Variants in CACHD1 observed in about 807,000 individuals in gnomAD.
CACHD1 encodes VWFA and cache domain-containing protein 1.
A neutral mutation model predicts 138.7 loss-of-function variants in CACHD1; 71 were observed. That is an observed-to-expected ratio of 0.51 (90% confidence interval 0.42 to 0.62). The LOEUF (loss-of-function observed/expected upper bound fraction) is 0.62, where lower values mean the gene tolerates loss of function less well. CACHD1 is among the 20% of genes least tolerant of loss of function. The probability of loss-of-function intolerance (pLI) is 0.00; values close to 1 mark genes in which losing one functional copy is unlikely to be tolerated. For missense variants in CACHD1, 1,389 were observed against 1,625.3 expected (o/e 0.85, Z 2.50); for synonymous variants, 578 against 591.5 (o/e 0.98, Z 0.33).
chr1:64,637,104 C>T (rs544720639), intron 7 of CACHD1, among the ~76,000 whole-genome samples: 1 of 152,300 alleles, frequency 6.6e-6, no homozygotes, highest in Admixed American at 6.5e-5. Flanking sequence ...GTCAATGCCA[C>T]CCACCTGTCA....
At chr1:64,516,682 G>A (rs527556845) in intron 1 of CACHD1, among the ~76,000 whole-genome samples, 90 of 152,284 alleles carry the variant, frequency 5.9e-4, no homozygotes, top group Non-Finnish European at 1.1e-3. Context: ...CTCAGAGCTG[G>A]TTAGGGGGAA....
At chr1:64,637,842 A>G (rs1467580097) in intron 7 of CACHD1, among the ~76,000 whole-genome samples, 1 of 152,206 alleles carries the variant, frequency 6.6e-6, no homozygotes, top group African/African-American at 2.4e-5. Context: ...CCAGTTTATT[A>G]AGGAGCAGTC....
chr1:64,609,011 T>C (rs575960755), intron 4 of CACHD1, among the ~76,000 whole-genome samples: 25 of 152,320 alleles, frequency 1.6e-4, no homozygotes, highest in African/African-American at 4.8e-4. Flanking sequence ...GCAGTCTTCA[T>C]TGAGAAACGG....
intron 1 of CACHD1, among the ~76,000 whole-genome samples, chr1:64,493,136 T>C (rs1646287965): frequency 6.6e-6 from 1 of 152,234 alleles, no homozygotes; most frequent in Admixed American, 6.5e-5. Flanking sequence ...AATCCGTTTG[T>C]GAACTGGGAA....
At chr1:64,588,619 C>G (rs1647071810) in intron 3 of CACHD1, among the ~76,000 whole-genome samples, 1 of 152,072 alleles carries the variant, frequency 6.6e-6, no homozygotes. Flanking sequence ...CTCAAGTGAT[C>G]TACCCGCCTC....
chr1:64,676,931 A>C lies in CACHD1; in HGVS notation c.3012A>C (p.Thr1004=), dbSNP rs765938626. 2 of 1,613,976 alleles carry C rather than the reference A, an allele frequency of 1.2e-6. No homozygotes were observed. The highest frequency in any genetic ancestry group is 1.1e-5 in the South Asian group (1 of 91,040). ...PSCEVHQEPV[T]YTAIDPGLQD... ...GCGAGGTCCACCAGGAGCCGGTGAC[A>C]TACACAGCTATTGACCCTGGCCTGC... The change falls in exon 22 of 27, where the codon ACA becomes ACC. Residue 1004 remains threonine (T), a synonymous_variant. Transcript: ENST00000651257.
At chr1:64,613,379 A>G (rs1570417221) in intron 4 of CACHD1, 1 of 147,956 alleles carries the variant, frequency 6.8e-6, no homozygotes, top group Non-Finnish European at 1.5e-5. Context: ...AAAAAATAAA[A>G]ATATAAATAT....
Position 64,672,398 on chromosome 1 carries a change from TTGGTCTCGCTTTG to T in CACHD1, c.2510+715_2510+727del, listed in dbSNP as rs1649845814. Among the ~76,000 whole-genome samples, 5 of 152,318 alleles carry T rather than the reference TTGGTCTCGCTTTG, an allele frequency of 3.3e-5. No individual in the cohort carries two copies. In the South Asian group the frequency reaches 1.0e-3, roughly 32 times the overall value. On this transcript the variant is annotated intron_variant, in intron 17 of 26. Transcript: ENST00000651257. ...AAATATAGTAGTCCCCCTCTTATCT[TTGGTCTCGCTTTG>T]TGAGGGTTCAGTTACCCATAGCATA...
intron 8 of CACHD1, among the ~76,000 whole-genome samples, chr1:64,644,067 G>A (rs572908852): frequency 4.6e-4 from 70 of 152,236 alleles, no homozygotes; most frequent in African/African-American, 1.6e-3. Flanking sequence ...CCACAAGAAT[G>A]TGAACTTCTC....
rs77686672 is a variant in CACHD1 at position 64,614,994 on chromosome 1, G to C, written c.517+12082G>C. ...CTCCCTTTACATCTAAGCTCACGTT[G>C]GAGACCCTGCACCCCCATCTTCTGC... is the stretch of plus-strand genomic sequence containing the variant. On this transcript the variant is annotated intron_variant, in intron 4 of 26. Transcript: ENST00000651257. Among the ~76,000 whole-genome samples, 513 of 152,100 alleles carry C rather than the reference G, an allele frequency of 3.4e-3. 33 individuals carry two copies. The East Asian group carries it at 0.086, about 26-fold the overall frequency.
chr1:64,613,544 G>T (rs1248013058), intron 4 of CACHD1: 1 of 152,216 alleles, frequency 6.6e-6, no homozygotes, highest in African/African-American at 2.4e-5. Context: ...TAAAAGTCAG[G>T]CTCTCATTGC....
chr1:64,658,229 T>C (rs953607774), intron 12 of CACHD1, among the ~76,000 whole-genome samples: 2 of 152,236 alleles, frequency 1.3e-5, no homozygotes, highest in Non-Finnish European at 2.9e-5. Context: ...GGATTCTGTA[T>C]TGGCTGCTCC....
chr1:64,590,431 G>A (rs1399422136), intron 3 of CACHD1, among the ~76,000 whole-genome samples: 1 of 150,832 alleles, frequency 6.6e-6, no homozygotes, highest in Non-Finnish European at 1.5e-5. Flanking sequence ...TGTGTATTTT[G>A]TGGCATGATT....
intron 4 of CACHD1, among the ~76,000 whole-genome samples, chr1:64,610,068 T>C (rs1052571465): frequency 1.3e-5 from 2 of 152,110 alleles, no homozygotes; most frequent in African/African-American, 4.8e-5. Context: ...AAAAGCCCCT[T>C]ATAAAACGAT....
chr1:64,535,898 T>TTCCC (rs1161198483), intron 1 of CACHD1, among the ~76,000 whole-genome samples: 1 of 152,146 alleles, frequency 6.6e-6, no homozygotes, highest in Non-Finnish European at 1.5e-5. Context: ...TTTTGTACCC[T>TTCCC]TAAGTTTGAT....
At chr1:64,531,814 G>A (rs996067282) in intron 1 of CACHD1, among the ~76,000 whole-genome samples, 1 of 152,118 alleles carries the variant, frequency 6.6e-6, no homozygotes, top group Non-Finnish European at 1.5e-5. Context: ...CTTTGTGGTG[G>A]GAAAATCTTC....
chr1:64,489,812 G>T (rs905345448), intron 1 of CACHD1, among the ~76,000 whole-genome samples: 5 of 152,084 alleles, frequency 3.3e-5, no homozygotes, highest in African/African-American at 1.2e-4. Context: ...AAGAGTCCTG[G>T]GTGTGTGGGG....
chr1:64,549,795 A>ATTTTTTTTTT (rs138406571), intron 1 of CACHD1, among the ~76,000 whole-genome samples: 1 of 136,454 alleles, frequency 7.3e-6, no homozygotes. Flanking sequence ...TGCTCTTTTT[A>ATTTTTTTTTT]TTTTTTTTAT....
In CACHD1 at chr1:64,546,340, C is replaced by A. The variant is rs529454367; in HGVS notation, c.199-4254C>A. ...TCTTTTCTTTTCTCTTTTTCGTTTA[C>A]TTTTTTTTTTTTGAGACATGGTCTG... On this transcript the variant is annotated intron_variant, in intron 1 of 26. Transcript: ENST00000651257. Among the ~76,000 whole-genome samples the A allele has an allele frequency of 4.1e-5, 6 of 146,218 alleles. No homozygotes were observed. The South Asian group carries it at 1.3e-3, about 32-fold the overall frequency.
Sources: gnomAD v4.1 joint callset for allele counts (sites outside exome capture counted in the v4.1 genomes callset) on GRCh38, gnomAD v4.1.1 for gene constraint, MANE v1.5 for transcripts, NCBI Gene and HGNC (gene_info 2026-07-23, HGNC 2026-07-21) for gene names.